The following SYCE1L variants were observed in gnomAD, a reference collection of about 807,000 sequenced individuals.
SYCE1L encodes the protein synaptonemal complex central element protein 1-like.
In SYCE1L, 51 loss-of-function variants were observed where a neutral mutation model predicts 39.6. The ratio of observed to expected loss-of-function variants is 1.29; its 90% CI spans 1.03 to 1.63. The LOEUF (loss-of-function observed/expected upper bound fraction) is 1.63. Among genes scored for constraint, SYCE1L ranks in the 40% most tolerant of loss-of-function variants. The pLI is 0.00. For synonymous variants in SYCE1L, 147 were observed against 122.4 expected (o/e 1.20, Z -1.33); for missense variants, 426 against 304.9 (o/e 1.40, Z -2.96).
In SYCE1L at chr16:77,212,282, G is replaced by A; in HGVS notation, c.494G>A (p.Arg165Lys). Residue 165 changes from arginine (R) to lysine (K), a missense_variant and splice_region_variant, in exon 9 of 11, where the codon AGG becomes AAG. Arg to Lys is a conservative substitution (Grantham distance 26). Coordinates refer to ENST00000378644, the MANE Select transcript of SYCE1L (RefSeq NM_001129979.3). ...ERSKEQLLSE[R>K]RLVRAKLREV... ...GCCCCTGACGCCCGCCCACCGACAG[G>A]GAGGCTGGTGCGCGCCAAGCTGCGG... The A allele has an allele frequency of 6.6e-7, 1 of 1,520,816 alleles. No homozygotes were observed. Among genetic ancestry groups the A allele is most frequent in the Non-Finnish European group, 8.8e-7 (1 of 1,135,040 alleles). 94.2% of individuals were successfully genotyped at this position (1,520,816 alleles called of 1,614,324 possible).
At chr16:77,210,580 G>A (rs1254545060) in intron 6 of SYCE1L, among the ~76,000 whole-genome samples, 1 of 151,896 alleles carries the variant, frequency 6.6e-6, no homozygotes, top group Non-Finnish European at 1.5e-5. Context: ...TTAGGAAACT[G>A]AGACCCAGAG....
intron 1 of SYCE1L, 43 bp downstream of exon 1, chr16:77,199,555 G>A: frequency 6.9e-7 from 1 of 1,444,256 alleles, no homozygotes; most frequent in Non-Finnish European, 9.5e-7. Context: ...CTCCAACCAG[G>A]GCAGAAAGGA....
chr16:77,205,613 T>C (rs1160172114), intron 1 of SYCE1L, among the ~76,000 whole-genome samples: 2 of 152,112 alleles, frequency 1.3e-5, no homozygotes, highest in African/African-American at 4.8e-5. Context: ...GAAACCAGGT[T>C]TTCTTGTGCA....
intron 7 of SYCE1L, 108 bp downstream of exon 7, chr16:77,211,384 C>A (rs1312404381): frequency 6.2e-6 from 8 of 1,287,596 alleles, no homozygotes; most frequent in South Asian, 1.3e-5. Context: ...GCGGGATAGT[C>A]CTTGATTCCT....
intron 1 of SYCE1L, among the ~76,000 whole-genome samples, chr16:77,205,523 T>C (rs2142514821): frequency 6.6e-6 from 1 of 150,968 alleles, no homozygotes; most frequent in African/African-American, 2.4e-5. Context: ...ATTTAGTTGA[T>C]TGATATATGC....
At chr16:77,205,085 G>T (rs1033066311) in intron 1 of SYCE1L, among the ~76,000 whole-genome samples, 2 of 150,504 alleles carry the variant, frequency 1.3e-5, no homozygotes, top group African/African-American at 4.9e-5. Context: ...AATGTGGGAG[G>T]TATGTTTGTA....
At chr16:77,205,529 T>A (rs985084474) in intron 1 of SYCE1L, among the ~76,000 whole-genome samples, 2 of 151,024 alleles carry the variant, frequency 1.3e-5, no homozygotes, top group African/African-American at 4.8e-5. Flanking sequence ...TTGATTGATA[T>A]ATGCCTCAAG....
chr16:77,207,846 T>A (rs1567426283), intron 2 of SYCE1L, among the ~76,000 whole-genome samples: 3 of 152,176 alleles, frequency 2.0e-5, no homozygotes, highest in African/African-American at 7.2e-5. Context: ...CTGCCTGGAA[T>A]GGGTCCCCCC....
intron 1 of SYCE1L, among the ~76,000 whole-genome samples, 167 bp from the exon 2 acceptor site, chr16:77,206,274 C>T (rs1210356070): frequency 6.6e-6 from 1 of 152,092 alleles, no homozygotes; most frequent in African/African-American, 2.4e-5. Flanking sequence ...CACTATAAAC[C>T]TCAAGGGCAA....
intron 1 of SYCE1L, chr16:77,202,462 T>C (rs1309135223): frequency 1.3e-5 from 2 of 152,198 alleles, no homozygotes; most frequent in Admixed American, 6.5e-5. Context: ...AAAATGTTAG[T>C]TGGATTATTT....
At chr16:77,211,303 A>G (rs551553945) in intron 7 of SYCE1L, 27 bp downstream of exon 7, 27 of 1,551,586 alleles carry the variant, frequency 1.7e-5, no homozygotes, top group Non-Finnish European at 2.2e-5. Flanking sequence ...GCCTGCAACC[A>G]AAGCCACTCC....
chr16:77,202,360 A>T (rs936261129), intron 1 of SYCE1L: 7 of 152,260 alleles, frequency 4.6e-5, no homozygotes, highest in Non-Finnish European at 1.0e-4. Context: ...ACTTTTGTGT[A>T]CATCTGCAAT....
Position 77,212,191 on chromosome 16 carries a change from T to TC in SYCE1L, c.486dup (p.Ser163LeufsTer22). 6.5e-7 allele frequency: 1 copy of TC among 1,547,772 alleles called. No individual in the cohort carries two copies. Among genetic ancestry groups the TC allele is most frequent in the Non-Finnish European group, 8.7e-7 (1 of 1,145,918 alleles). On this transcript the variant is annotated frameshift_variant, in exon 8 of 11. Coordinates refer to ENST00000378644, the MANE Select transcript of SYCE1L (RefSeq NM_001129979.3). LOFTEE classifies it high-confidence loss of function. ...CTGGAGAGAAGCAAGGAGCAGCTGC[T>TC]CTCGGAGAGTGAGCCTCCCGCGCCA... is the stretch of plus-strand genomic sequence containing the variant.
At chr16:77,207,389 C>T (rs1161212248) in intron 2 of SYCE1L, among the ~76,000 whole-genome samples, 3 of 145,128 alleles carry the variant, frequency 2.1e-5, no homozygotes, top group Non-Finnish European at 4.6e-5. Flanking sequence ...AGAAGGAAGT[C>T]TTCTGCGTAC....
intron 1 of SYCE1L, chr16:77,201,573 A>C (rs1407345518): frequency 6.6e-6 from 1 of 152,196 alleles, no homozygotes; most frequent in African/African-American, 2.4e-5. Context: ...TAGCATCTAA[A>C]ATGCTCTTCC....
In SYCE1L at chr16:77,212,173, G is replaced by A. The variant is rs1162562195; in HGVS notation, c.467G>A (p.Arg156Lys). Reference sequence around the variant, plus strand: ...GCCCGGGAGATCCGTGCCCTGGAGAGAAGCAAGGAGCAGCTGCTCTCGGAG... The same window carrying A: ...GCCCGGGAGATCCGTGCCCTGGAGAAAAGCAAGGAGCAGCTGCTCTCGGAG... Reference protein sequence around the residue: ...RLAREIRALERSKEQLLSERR... With the variant: ...RLAREIRALEKSKEQLLSERR... The change falls in exon 8 of 11, where the codon AGA becomes AAA. Residue 156 changes from arginine to lysine, a missense_variant. Transcript: ENST00000378644. 4 of 1,549,332 alleles carry A rather than the reference G, an allele frequency of 2.6e-6. No homozygotes were observed. Among genetic ancestry groups the A allele is most frequent in the Admixed American group, 2.0e-5 (1 of 50,944 alleles).
chr16:77,205,061 G>GAAAAGA (rs2054776475), intron 1 of SYCE1L, among the ~76,000 whole-genome samples: 1 of 108,938 alleles, frequency 9.2e-6, no homozygotes, highest in Non-Finnish European at 2.1e-5. Flanking sequence ...AAAAAAAAAA[G>GAAAAGA]AAAAGAAAAA....
At position 77,212,640 on chromosome 16, in the gene SYCE1L, G is replaced by T; in HGVS notation, c.648G>T (p.Glu216Asp). 2.0e-6 allele frequency: 3 copies of T among 1,534,124 alleles called. No homozygotes were observed. The highest frequency in any genetic ancestry group is 2.6e-6 in the Non-Finnish European group (3 of 1,145,870). ...VRSAPEVGAG[E>D]GEAGPELPRA... Reference sequence around the variant, plus strand: ...GCGCCCCCGAGGTCGGGGCCGGCGAGGGAGAGGTAGGGAGCCCGAGGAAGG... The same window carrying T: ...GCGCCCCCGAGGTCGGGGCCGGCGATGGAGAGGTAGGGAGCCCGAGGAAGG... Residue 216 changes from glutamate to aspartate, a missense_variant, in exon 10 of 11, where the codon GAG becomes GAT. By Grantham distance (45) the Glu-to-Asp change is conservative. Transcript: ENST00000378644.
chr16:77,208,434 C>G (rs1207444352), intron 3 of SYCE1L, 31 bp from the exon 4 acceptor site: 16 of 1,550,674 alleles, frequency 1.0e-5, no homozygotes, highest in Non-Finnish European at 1.3e-5. Context: ...AGACTACACT[C>G]ATACAGTGTC....
Sources: allele counts gnomAD v4.1 joint callset (sites outside exome capture counted in the v4.1 genomes callset), GRCh38; gene constraint gnomAD v4.1.1; transcripts MANE v1.5; gene names NCBI Gene and HGNC (gene_info 2026-07-23, HGNC 2026-07-21).